The following RPTOR variants were observed in gnomAD, a reference collection of about 807,000 sequenced individuals.
RPTOR encodes the protein regulatory associated protein of MTOR complex 1.
RPTOR carries 21 observed loss-of-function variants against 169.9 expected under a neutral mutation model. The observed-to-expected ratio is 0.12, with a 90% confidence interval of 0.09 to 0.18. RPTOR has a LOEUF of 0.18. Ranked by LOEUF, RPTOR falls within the 10% of genes least tolerant of loss-of-function variation. The probability of loss-of-function intolerance (pLI) is 1.00; values close to 1 mark genes in which losing one functional copy is unlikely to be tolerated. For synonymous variants in RPTOR, 732 were observed against 753.2 expected (o/e 0.97, Z 0.46); for missense variants, 1,133 against 1,855.9 (o/e 0.61, Z 7.16).
At chr17:80,772,721 C>T (rs2066856942) in intron 6 of RPTOR, among the ~76,000 whole-genome samples, 4 of 151,786 alleles carry the variant, frequency 2.6e-5, no homozygotes, top group Admixed American at 2.6e-4. Context: ...AGTTTGTAAG[C>T]AAAAATCTTC....
At chr17:80,946,671 G>C (rs538743158) in intron 26 of RPTOR, among the ~76,000 whole-genome samples, 6 of 152,360 alleles carry the variant, frequency 3.9e-5, no homozygotes, top group African/African-American at 1.4e-4. Flanking sequence ...TCATGGCTGA[G>C]TAATATTCCA....
chr17:80,910,050 G>A (rs1165281629), intron 21 of RPTOR, among the ~76,000 whole-genome samples: 1 of 152,132 alleles, frequency 6.6e-6, no homozygotes, highest in Non-Finnish European at 1.5e-5. Context: ...CTCTACCCTT[G>A]AGCAGATGAA....
chr17:80,640,968 C>CAGCCCT (rs1222128159), intron 2 of RPTOR, among the ~76,000 whole-genome samples: 1 of 152,242 alleles, frequency 6.6e-6, no homozygotes, highest in African/African-American at 2.4e-5. Context: ...GCCTTCCAGC[C>CAGCCCT]AGCCCTGTGC....
chr17:80,863,240 C>T (rs2067940454), intron 13 of RPTOR, among the ~76,000 whole-genome samples: 1 of 152,146 alleles, frequency 6.6e-6, no homozygotes, highest in Admixed American at 6.5e-5. Context: ...AAGGGGGGCA[C>T]ATGAAGAAAG....
chr17:80,663,120 C>T (rs1406933848), intron 3 of RPTOR, among the ~76,000 whole-genome samples: 3 of 152,200 alleles, frequency 2.0e-5, no homozygotes, highest in African/African-American at 7.2e-5. Flanking sequence ...GGTGAGGCTT[C>T]TGAGACTCGT....
At chr17:80,587,449 T>A (rs933910786) in intron 1 of RPTOR, among the ~76,000 whole-genome samples, 1 of 152,244 alleles carries the variant, frequency 6.6e-6, no homozygotes, top group Non-Finnish European at 1.5e-5. Flanking sequence ...AGTGCTGCTA[T>A]AAGTGTTTTT....
intron 6 of RPTOR, among the ~76,000 whole-genome samples, chr17:80,765,672 C>G (rs1225667121): frequency 6.6e-6 from 1 of 152,182 alleles, no homozygotes; most frequent in Non-Finnish European, 1.5e-5. Context: ...TTCCGCCTCT[C>G]TCTCTCCTGC....
At chr17:80,954,498 T>C (rs2069223874) in intron 28 of RPTOR, among the ~76,000 whole-genome samples, 1 of 3,568 alleles carries the variant, frequency 2.8e-4, no homozygotes, top group African/African-American at 1.4e-3. Context: ...ACTCCTGGGC[T>C]TAAGCAATCC....
Position 80,892,868 on chromosome 17 carries a change from A to C in RPTOR, c.2241A>C (p.Glu747Asp). 6.2e-7 allele frequency: 1 copy of C among 1,613,408 alleles called. No individual in the cohort carries two copies. The highest frequency in any genetic ancestry group is 8.5e-7 in the Non-Finnish European group (1 of 1,179,652). Residue 747 changes from glutamate to aspartate, a missense_variant and splice_region_variant, in exon 19 of 34, where the codon GAA becomes GAC. Glu to Asp is a conservative substitution (Grantham distance 45). Transcript: ENST00000306801. ...TGCAGAACCTGAGTTTGACAGAGGA[A>C]TGTAAGATCCTGGAAATCGGGTTAT... ...KSLQNLSLTE[E>D]SGGAVAFSPG...
intron 1 of RPTOR, among the ~76,000 whole-genome samples, chr17:80,553,961 C>T (rs1452785328): frequency 1.3e-5 from 2 of 152,190 alleles, no homozygotes; most frequent in Admixed American, 6.5e-5. Flanking sequence ...AGGCTGGTCT[C>T]GAACTCCTGA....
chr17:80,840,938 T>A (rs547581211), intron 10 of RPTOR, among the ~76,000 whole-genome samples: 9 of 89,814 alleles, frequency 1.0e-4, no homozygotes, highest in Admixed American at 2.1e-4. Flanking sequence ...CAGCTCACTC[T>A]CTCTGCACCG....
At chr17:80,884,889 A>C in intron 16 of RPTOR, 119 bp from the exon 17 acceptor site, 1 of 1,316,354 alleles carries the variant, frequency 7.6e-7, no homozygotes, top group Non-Finnish European at 1.0e-6. Context: ...TTGGGCCTGG[A>C]GAGCTGTTGA....
rs1231315564 is a variant in RPTOR at position 80,940,300 on chromosome 17, G to A, written c.2920-196G>A. ...CAGCGTTGACACTGTGTCGGGTATG[G>A]CGGGCAAGCTAGCGAGGGTTTGAGG... On this transcript the variant is annotated intron_variant, in intron 24 of 33. Coordinates refer to ENST00000306801, the MANE Select transcript of RPTOR (RefSeq NM_020761.3). 1.3e-5 allele frequency: 7 copies of A among 525,698 alleles called. No individual in the cohort carries two copies. In the Admixed American group the frequency reaches 1.8e-4, roughly 13 times the overall value. 32.6% of individuals were successfully genotyped at this position (525,698 alleles called of 1,614,324 possible).
intron 9 of RPTOR, among the ~76,000 whole-genome samples, chr17:80,832,588 T>G (rs2067517772): frequency 6.6e-6 from 1 of 152,106 alleles, no homozygotes; most frequent in Non-Finnish European, 1.5e-5. Flanking sequence ...CGGAGAACAT[T>G]CGGCTCAGAA....
chr17:80,623,659 C>A (rs370119663), intron 1 of RPTOR, among the ~76,000 whole-genome samples: 17 of 152,140 alleles, frequency 1.1e-4, no homozygotes, highest in African/African-American at 3.6e-4. Flanking sequence ...TCTCAGCCTC[C>A]GGAGTAGCTA....
At chr17:80,772,552 T>C (rs1484839633) in intron 6 of RPTOR, among the ~76,000 whole-genome samples, 10 of 16,896 alleles carry the variant, frequency 5.9e-4, no homozygotes, top group African/African-American at 1.5e-3. Context: ...CCCCCACCCC[T>C]ACCCTCCCCG....
At chr17:80,756,007 A>G (rs1291190134) in intron 6 of RPTOR, among the ~76,000 whole-genome samples, 2 of 152,248 alleles carry the variant, frequency 1.3e-5, no homozygotes, top group African/African-American at 4.8e-5. Context: ...ACATACAATC[A>G]AAGAAATAAA....
chr17:80,583,196 T>TTTTTTTTTTTTG (rs1555717407), intron 1 of RPTOR, among the ~76,000 whole-genome samples: 50 of 137,442 alleles, frequency 3.6e-4, no homozygotes, highest in African/African-American at 9.2e-4. Context: ...TTTTTTTTTT[T>TTTTTTTTTTTTG]TTTTTTTTTT....
chr17:80,682,573 A>G (rs533497248), intron 3 of RPTOR, among the ~76,000 whole-genome samples: 1 of 152,322 alleles, frequency 6.6e-6, no homozygotes, highest in Non-Finnish European at 1.5e-5. Context: ...AGGCCAAGGA[A>G]CACCGAGGCG....
Sources: allele counts gnomAD v4.1 joint callset (sites outside exome capture counted in the v4.1 genomes callset), GRCh38; gene constraint gnomAD v4.1.1; transcripts MANE v1.5; gene names NCBI Gene and HGNC (gene_info 2026-07-23, HGNC 2026-07-21).